The following GNG2 variants were observed in gnomAD, a reference collection of about 807,000 sequenced individuals.
GNG2 encodes the protein guanine nucleotide-binding protein G(I)/G(S)/G(O) subunit gamma-2.
Under a neutral mutation model 5.5 loss-of-function variants are expected in GNG2, and 5 were observed. The observed-to-expected ratio is 0.91, with a 90% CI of 0.48 to 1.92. The LOEUF (loss-of-function observed/expected upper bound fraction) is 1.92. Among genes scored for constraint, GNG2 ranks in the 30% most tolerant of loss-of-function variants. The pLI is 0.01. For missense variants in GNG2, 55 were observed against 88.4 expected (o/e 0.62, Z 1.52); for synonymous variants, 28 against 32.0 (o/e 0.88, Z 0.42).
At chr14:51,852,978 C>G (rs906803861) in intron 2 of GNG2, among the ~76,000 whole-genome samples, 1 of 152,110 alleles carries the variant, frequency 6.6e-6, no homozygotes, top group African/African-American at 2.4e-5. Flanking sequence ...ACTTCAGGGT[C>G]TTTCCTTTTC....
At chr14:51,844,261 T>G (rs1377806804) in intron 2 of GNG2, among the ~76,000 whole-genome samples, 1 of 152,232 alleles carries the variant, frequency 6.6e-6, no homozygotes, top group Non-Finnish European at 1.5e-5. Context: ...TTCTCTGTCA[T>G]AACTCATAAG....
intron 1 of GNG2, among the ~76,000 whole-genome samples, chr14:51,866,859 C>T (rs1016955827): frequency 1.3e-5 from 2 of 152,216 alleles, no homozygotes; most frequent in African/African-American, 2.4e-5. Flanking sequence ...GCGTCATTCA[C>T]ATCATTCATT....
chr14:51,948,924 A>G (rs1347062581), intron 2 of GNG2, among the ~76,000 whole-genome samples: 3 of 152,150 alleles, frequency 2.0e-5, no homozygotes, highest in Non-Finnish European at 2.9e-5. Context: ...GATCAAGACC[A>G]TCCTGGCTAA....
At chr14:51,882,131 A>G (rs561884595) in intron 2 of GNG2, among the ~76,000 whole-genome samples, 2 of 152,314 alleles carry the variant, frequency 1.3e-5, no homozygotes, top group South Asian at 2.1e-4. Context: ...CAAAATAACT[A>G]CTTATCTGGG....
intron 2 of GNG2, among the ~76,000 whole-genome samples, chr14:51,896,024 G>A (rs553604414): frequency 7.2e-5 from 11 of 152,252 alleles, no homozygotes; most frequent in Admixed American, 2.0e-4. Context: ...GCCCAGTCTC[G>A]GATATGTCTT....
chr14:51,960,219 GT>G (rs1889515724), intron 3 of GNG2, among the ~76,000 whole-genome samples: 1 of 150,946 alleles, frequency 6.6e-6, no homozygotes, highest in African/African-American at 2.4e-5. Context: ...ATTTTGGATA[GT>G]TTCTATTGCT....
At chr14:51,838,125 G>A (rs1270345468) in intron 2 of GNG2, among the ~76,000 whole-genome samples, 1 of 76,550 alleles carries the variant, frequency 1.3e-5, no homozygotes, top group African/African-American at 5.4e-5. Context: ...TTATATGGCA[G>A]AACTTAATAT....
At chr14:51,892,156 T>A (rs1289453936) in intron 2 of GNG2, among the ~76,000 whole-genome samples, 2 of 152,304 alleles carry the variant, frequency 1.3e-5, no homozygotes, top group African/African-American at 2.4e-5. Flanking sequence ...TCTATTTTTT[T>A]AAACAACTCA....
chr14:51,917,608 C>A, intron 2 of GNG2: 1 of 287,996 alleles, frequency 3.5e-6, no homozygotes, highest in Non-Finnish European at 6.9e-6. Context: ...ATGTGTTGTT[C>A]CCTGAAAGTA....
At chr14:51,841,703 T>C (rs374309141) in intron 2 of GNG2, 322 of 594,208 alleles carry the variant, frequency 5.4e-4, no homozygotes, top group African/African-American at 5.2e-3. Context: ...AATCACTTTG[T>C]AGGAAATAGG....
chr14:51,907,978 C>T (rs1276988332), intron 2 of GNG2, among the ~76,000 whole-genome samples: 1 of 152,218 alleles, frequency 6.6e-6, no homozygotes. Context: ...TTATCTATAG[C>T]TACTTAACAC....
At chr14:51,950,595 C>A in intron 2 of GNG2, 55 bp from the exon 3 acceptor site, 2 of 1,110,196 alleles carry the variant, frequency 1.8e-6, no homozygotes, top group Non-Finnish European at 2.7e-6. Flanking sequence ...TGAACTTGCA[C>A]ATTTGCTGGC....
At position 51,879,521 on chromosome 14, in the gene GNG2, C is replaced by T. The variant is rs1043070579; in HGVS notation, c.-30+1864C>T. ...AGAACAACACAAATGTATTATCTTA[C>T]CATTCTATAGGTTAGGTTCTATAGG... On this transcript the variant is annotated intron_variant, in intron 2 of 3. Coordinates refer to ENST00000556766, the MANE Select transcript of GNG2 (RefSeq NM_053064.5). Among the ~76,000 whole-genome samples, 5 of 152,152 alleles carry T rather than the reference C, an allele frequency of 3.3e-5. No individual in the cohort carries two copies. The East Asian group carries it at 9.6e-4, about 29-fold the overall frequency.
At position 51,966,085 on chromosome 14, in the gene GNG2, C is replaced by T. The variant is rs576803163; in HGVS notation, c.88-474C>T. ...ATTAGCCAGGCACCATGGCACACAC[C>T]TGTAGTCCCAGCTACTAGGGTGGCT... On this transcript the variant is annotated intron_variant, in intron 3 of 3. Transcript: ENST00000556766. Among the ~76,000 whole-genome samples, 7 of 151,984 alleles carry T rather than the reference C, an allele frequency of 4.6e-5. No homozygotes were observed. In the East Asian group the frequency reaches 1.4e-3, roughly 29 times the overall value.
At chr14:51,950,868 G>A (rs1029629623) in intron 3 of GNG2, 103 bp downstream of exon 3, 15 of 553,256 alleles carry the variant, frequency 2.7e-5, no homozygotes, top group Middle Eastern at 2.8e-4. Flanking sequence ...TGACAGGAGA[G>A]CATCTTAAAG....
intron 2 of GNG2, among the ~76,000 whole-genome samples, chr14:51,837,015 AC>A (rs1881350620): frequency 6.6e-6 from 1 of 151,578 alleles, no homozygotes; most frequent in Non-Finnish European, 1.5e-5. Flanking sequence ...CTGCCACCAC[AC>A]CTGGCTAATT....
chr14:51,922,251 T>C (rs1887057492), intron 2 of GNG2, among the ~76,000 whole-genome samples: 1 of 152,238 alleles, frequency 6.6e-6, no homozygotes, highest in Non-Finnish European at 1.5e-5. Context: ...TAGGATGCTA[T>C]CATGGGAAAG....
chr14:51,896,004 C>A (rs554104509), intron 2 of GNG2, among the ~76,000 whole-genome samples: 1 of 152,340 alleles, frequency 6.6e-6, no homozygotes, highest in South Asian at 2.1e-4. Context: ...ACCTCTTTCT[C>A]TTGTAAATTG....
At chr14:51,841,033 C>T (rs912286128) in intron 2 of GNG2, among the ~76,000 whole-genome samples, 31 of 152,084 alleles carry the variant, frequency 2.0e-4, no homozygotes, top group African/African-American at 7.5e-4. Context: ...GGAGTGACCA[C>T]AAATGCATAA....
Sources: allele counts gnomAD v4.1 joint callset (sites outside exome capture counted in the v4.1 genomes callset), GRCh38; gene constraint gnomAD v4.1.1; transcripts MANE v1.5; gene names NCBI Gene and HGNC (gene_info 2026-07-23, HGNC 2026-07-21).